DOK5: variants seen among roughly 807,000 people sequenced by gnomAD.
DOK5 encodes the protein docking protein 5.
In DOK5, 27 loss-of-function variants were observed where a neutral mutation model predicts 43.3. The ratio of observed to expected loss-of-function variants is 0.62; its 90% CI spans 0.46 to 0.86. DOK5 has a LOEUF of 0.86. Among genes scored for constraint, DOK5 ranks in the 40% least tolerant of loss-of-function variants. The pLI, the probability that DOK5 is intolerant of heterozygous loss-of-function variation, is 0.00. For synonymous variants in DOK5, 146 were observed against 140.1 expected, an observed-to-expected ratio of 1.04 and a Z score of -0.30; for missense variants, 373 against 392.9, an observed-to-expected ratio of 0.95 and a Z score of 0.43.
At chr20:54,573,000 C>T (rs1985340149) in intron 2 of DOK5, among the ~76,000 whole-genome samples, 1 of 152,170 alleles carries the variant, frequency 6.6e-6, no homozygotes, top group African/African-American at 2.4e-5. Flanking sequence ...TGGTGGCAAA[C>T]ACAGCAGACG....
chr20:54,520,732 G>A (rs1472347625), intron 1 of DOK5, among the ~76,000 whole-genome samples: 2 of 152,080 alleles, frequency 1.3e-5, no homozygotes, highest in African/African-American at 4.8e-5. Flanking sequence ...TCAGCAGTGA[G>A]CTATGATCAT....
chr20:54,536,669 G>A (rs1983972182), intron 1 of DOK5, among the ~76,000 whole-genome samples: 1 of 152,180 alleles, frequency 6.6e-6, no homozygotes, highest in African/African-American at 2.4e-5. Context: ...ACCAGGAAGT[G>A]TGGCAGCCTA....
At chr20:54,614,972 T>A (rs770113599) in intron 6 of DOK5, among the ~76,000 whole-genome samples, 6 of 152,220 alleles carry the variant, frequency 3.9e-5, no homozygotes, top group Non-Finnish European at 8.8e-5. Flanking sequence ...CATTCCCCAC[T>A]AGGAATTGCC....
intron 6 of DOK5, among the ~76,000 whole-genome samples, chr20:54,628,058 G>C (rs1161583054): frequency 6.6e-6 from 1 of 152,182 alleles, no homozygotes; most frequent in East Asian, 1.9e-4. Context: ...GCTGAGAACA[G>C]AGTCAATTCA....
At chr20:54,528,274 A>G (rs1308013617) in intron 1 of DOK5, among the ~76,000 whole-genome samples, 1 of 152,188 alleles carries the variant, frequency 6.6e-6, no homozygotes, top group East Asian at 1.9e-4. Context: ...TTATATCTCT[A>G]TGGGAATTAG....
At chr20:54,590,983 A>G (rs1568799546) in intron 4 of DOK5, among the ~76,000 whole-genome samples, 1 of 152,264 alleles carries the variant, frequency 6.6e-6, no homozygotes, top group African/African-American at 2.4e-5. Flanking sequence ...CATTTTAGCA[A>G]TCATCCAAAT....
At chr20:54,515,261 G>T (rs200389490) in intron 1 of DOK5, among the ~76,000 whole-genome samples, 1 of 152,058 alleles carries the variant, frequency 6.6e-6, no homozygotes, top group East Asian at 1.9e-4. Context: ...CATCCAACCC[G>T]CCTCGGCCTC....
intron 2 of DOK5, among the ~76,000 whole-genome samples, chr20:54,563,628 C>T (rs1199019822): frequency 6.6e-6 from 1 of 150,460 alleles, no homozygotes; most frequent in Admixed American, 6.6e-5. Flanking sequence ...GATCTTATTG[C>T]CTGTCCCCTT....
chr20:54,504,602 A>G (rs1982735823), intron 1 of DOK5, among the ~76,000 whole-genome samples: 1 of 152,200 alleles, frequency 6.6e-6, no homozygotes, highest in African/African-American at 2.4e-5. Context: ...CTCTCAGTTG[A>G]AGGAGGATAC....
At chr20:54,548,688 A>G (rs1333926626) in intron 1 of DOK5, among the ~76,000 whole-genome samples, 1 of 152,268 alleles carries the variant, frequency 6.6e-6, no homozygotes, top group African/African-American at 2.4e-5. Context: ...TACATAAAAT[A>G]TAAAGACAGT....
chr20:54,614,254 A>C (rs1986736804), intron 6 of DOK5, among the ~76,000 whole-genome samples: 1 of 152,086 alleles, frequency 6.6e-6, no homozygotes, highest in Non-Finnish European at 1.5e-5. Context: ...TTTCGAACTA[A>C]TACAATCTTG....
intron 5 of DOK5, among the ~76,000 whole-genome samples, chr20:54,605,134 C>CAG (rs11471906): frequency 0.011 from 1,717 of 150,272 alleles, 35 homozygotes; most frequent in African/African-American, 0.04. Context: ...CACAAACACA[C>CAG]ACAGAGAGAG....
chr20:54,578,822 C>T (rs140439484), intron 2 of DOK5, among the ~76,000 whole-genome samples: 18 of 152,136 alleles, frequency 1.2e-4, no homozygotes, highest in Admixed American at 5.9e-4. Context: ...TTGTTGCTTG[C>T]GGAATACAAT....
chr20:54,606,464 C>A (rs1986473170), intron 5 of DOK5, among the ~76,000 whole-genome samples: 1 of 152,156 alleles, frequency 6.6e-6, no homozygotes, highest in African/African-American at 2.4e-5. Flanking sequence ...AAAGGGTAAA[C>A]CCATTAGAAC....
rs936350104 is a variant in DOK5, at chr20:54,484,890, C to T, written c.66+8878C>T. Among the ~76,000 whole-genome samples the T allele has an allele frequency of 2.8e-4, 43 of 152,270 alleles. 1 individual carries two copies. Among genetic ancestry groups the T allele is most frequent in the Admixed American group, 2.6e-3 (40 of 15,290 alleles). Reference sequence around the variant, plus strand: ...AAAATTAGCCAGGTGTGGTGGTACACGCCTGTAGTGCTGGTTATTTGAGAG... The same window carrying T: ...AAAATTAGCCAGGTGTGGTGGTACATGCCTGTAGTGCTGGTTATTTGAGAG... On this transcript the variant is annotated intron_variant, in intron 1 of 7. Transcript: ENST00000262593.
intron 2 of DOK5, among the ~76,000 whole-genome samples, chr20:54,560,839 C>T (rs1984878844): frequency 6.6e-6 from 1 of 152,146 alleles, no homozygotes; most frequent in African/African-American, 2.4e-5. Flanking sequence ...CCAGGCTGGT[C>T]TCGAACTCCT....
intron 6 of DOK5, among the ~76,000 whole-genome samples, chr20:54,617,540 G>A (rs962696118): frequency 9.2e-5 from 14 of 152,040 alleles, no homozygotes; most frequent in African/African-American, 3.4e-4. Flanking sequence ...TGCCCAGGCT[G>A]GTCTCAAACT....
At position 54,564,674 on chromosome 20, in the gene DOK5, T is replaced by C. The variant is rs1300835697; in HGVS notation, c.174+9634T>C. Among the ~76,000 whole-genome samples, 3 of 152,096 alleles carry C rather than the reference T, an allele frequency of 2.0e-5. No homozygotes were observed. The East Asian group carries it at 5.8e-4, about 29-fold the overall frequency. On this transcript the variant is annotated intron_variant, in intron 2 of 7. Transcript: ENST00000262593. ...TAGTATGACCATGGTTGAAACAAGG[T>C]CAAAGGTGATGTCAATCCCATGTTG...
chr20:54,631,839 G>T (rs1430165601), intron 6 of DOK5, among the ~76,000 whole-genome samples: 2 of 152,162 alleles, frequency 1.3e-5, no homozygotes, highest in African/African-American at 4.8e-5. Context: ...GGGCATTGTG[G>T]CACGTGCCTG....
Sources: allele counts gnomAD v4.1 joint callset (sites outside exome capture counted in the v4.1 genomes callset), GRCh38; gene constraint gnomAD v4.1.1; transcripts MANE v1.5; gene names NCBI Gene and HGNC (gene_info 2026-07-23, HGNC 2026-07-21).